The following SH3GL3 variants were observed in gnomAD, a reference collection of about 807,000 sequenced individuals.
SH3GL3 encodes the protein SH3 domain containing GRB2 like 3, endophilin A3.
Under a neutral mutation model 47.7 loss-of-function variants are expected in SH3GL3, and 33 were observed. The ratio of observed to expected loss-of-function variants is 0.69; its 90% CI spans 0.52 to 0.92. The LOEUF (loss-of-function observed/expected upper bound fraction) is 0.92, where lower values mean the gene tolerates loss of function less well. Among genes scored for constraint, SH3GL3 ranks in the 40% least tolerant of loss-of-function variants. The pLI is 0.00. For missense variants in SH3GL3, 363 were observed against 417.8 expected (o/e 0.87, Z 1.14); for synonymous variants, 155 against 148.8 (o/e 1.04, Z -0.30).
At chr15:83,631,463 A>G in the SH3GL3 span, among the ~76,000 whole-genome samples, 1 of 152,224 alleles carries the variant, frequency 6.6e-6, no homozygotes, top group African/African-American at 2.4e-5. Context: ...TCCCTGCAGC[A>G]TACTTCTGCC....
chr15:83,568,283 C>T (rs969774260), intron 3 of SH3GL3, among the ~76,000 whole-genome samples: 5 of 152,074 alleles, frequency 3.3e-5, no homozygotes, highest in African/African-American at 4.8e-5. Context: ...TGCGCCCAGC[C>T]GATGTGCACC....
intron 1 of SH3GL3, among the ~76,000 whole-genome samples, chr15:83,498,438 G>T (rs1456810179): frequency 6.6e-6 from 1 of 152,116 alleles, no homozygotes; most frequent in Non-Finnish European, 1.5e-5. Context: ...AAAGCTCTTG[G>T]CAAAGGGCTC....
chr15:83,459,960 C>A (rs1230700052), intron 1 of SH3GL3, among the ~76,000 whole-genome samples: 7 of 144,782 alleles, frequency 4.8e-5, no homozygotes, highest in African/African-American at 1.8e-4. Flanking sequence ...CCAGTTCTCA[C>A]CCTGTTATTG....
intron 8 of SH3GL3, among the ~76,000 whole-genome samples, chr15:83,613,616 T>C (rs890879021): frequency 1.4e-5 from 2 of 140,816 alleles, no homozygotes; most frequent in African/African-American, 2.7e-5. Flanking sequence ...GAGGGAAATA[T>C]ATAAATCTAT....
At chr15:83,510,407 A>G (rs770854404) in intron 1 of SH3GL3, among the ~76,000 whole-genome samples, 34 of 152,182 alleles carry the variant, frequency 2.2e-4, no homozygotes, top group East Asian at 1.9e-4. Flanking sequence ...CTTTGCTTAT[A>G]TAAGTTTGGA....
At chr15:83,596,498 A>G (rs2060240455) in intron 8 of SH3GL3, among the ~76,000 whole-genome samples, 1 of 152,108 alleles carries the variant, frequency 6.6e-6, no homozygotes, top group Admixed American at 6.5e-5. Context: ...ATAGTTATGG[A>G]TTTGTCTATT....
chr15:83,593,869 A>C (rs2151817305), intron 8 of SH3GL3, among the ~76,000 whole-genome samples: 1 of 151,778 alleles, frequency 6.6e-6, no homozygotes, highest in South Asian at 2.1e-4. Flanking sequence ...CCCAGGCTGG[A>C]GTGCAGTGGC....
chr15:83,605,359 TC>T (rs756194448), intron 8 of SH3GL3, among the ~76,000 whole-genome samples: 1 of 152,160 alleles, frequency 6.6e-6, no homozygotes, highest in African/African-American at 2.4e-5. Flanking sequence ...AGGCACAGTT[TC>T]AAAAGAAAAT....
chr15:83,525,219 A>G (rs1372936953), intron 1 of SH3GL3, among the ~76,000 whole-genome samples: 2 of 151,578 alleles, frequency 1.3e-5, no homozygotes, highest in East Asian at 1.9e-4. Context: ...AGATATCTCT[A>G]TTGTGTTTTT....
At chr15:83,490,697 C>T in intron 1 of SH3GL3, 2 of 1,414,184 alleles carry the variant, frequency 1.4e-6, no homozygotes, top group South Asian at 1.3e-5. Context: ...GAAAACAGAC[C>T]AAGCTCTCAC....
At chr15:83,614,290 A>G (rs2060754044) in intron 8 of SH3GL3, among the ~76,000 whole-genome samples, 1 of 152,188 alleles carries the variant, frequency 6.6e-6, no homozygotes. Flanking sequence ...CCTAGCTTTC[A>G]TCATTATGAC....
At chr15:83,508,901 A>G (rs534053135) in intron 1 of SH3GL3, among the ~76,000 whole-genome samples, 34 of 152,102 alleles carry the variant, frequency 2.2e-4, no homozygotes, top group African/African-American at 8.0e-4. Context: ...TTACATTTTT[A>G]AAAGATCATT....
chr15:83,615,736 A>G (rs952735607), intron 8 of SH3GL3, among the ~76,000 whole-genome samples: 2 of 152,250 alleles, frequency 1.3e-5, no homozygotes, highest in African/African-American at 4.8e-5. Context: ...TAAATATATG[A>G]TAAAGATAAA....
chr15:83,496,372 G>A (rs199924865), intron 1 of SH3GL3, among the ~76,000 whole-genome samples: 62 of 131,164 alleles, frequency 4.7e-4, no homozygotes, highest in Non-Finnish European at 5.0e-4. Flanking sequence ...AAAAAAAAAA[G>A]AAAAAAAAAA....
intron 1 of SH3GL3, among the ~76,000 whole-genome samples, chr15:83,543,521 G>A (rs2044263153): frequency 6.6e-6 from 1 of 151,846 alleles, no homozygotes; most frequent in Admixed American, 6.6e-5. Context: ...TCATAGAATG[G>A]GTTTGGAAGT....
intron 1 of SH3GL3, among the ~76,000 whole-genome samples, chr15:83,495,126 C>A (rs1596105309): frequency 6.6e-6 from 1 of 152,104 alleles, no homozygotes; most frequent in African/African-American, 2.4e-5. Flanking sequence ...TGGTGTGGCA[C>A]CTGTGTCTTC....
intron 8 of SH3GL3, chr15:83,609,513 T>A (rs1268910397): frequency 2.9e-6 from 1 of 341,444 alleles, no homozygotes; most frequent in Admixed American, 3.8e-5. Context: ...CAACAGGGAC[T>A]TATGTTGACA....
intron 1 of SH3GL3, among the ~76,000 whole-genome samples, chr15:83,514,395 G>GGAGA (rs147429222): frequency 2.6e-5 from 4 of 151,098 alleles, no homozygotes; most frequent in Non-Finnish European, 5.9e-5. Context: ...TTTAGTGGAG[G>GGAGA]GAGAGAGAGA....
chr15:83,578,360 G>T (rs1477342067), intron 6 of SH3GL3, among the ~76,000 whole-genome samples: 1 of 152,170 alleles, frequency 6.6e-6, no homozygotes, highest in East Asian at 1.9e-4. Flanking sequence ...GGACCTAATT[G>T]TTAAGTTTTT....
Sources: allele counts gnomAD v4.1 joint callset (sites outside exome capture counted in the v4.1 genomes callset), GRCh38; gene constraint gnomAD v4.1.1; transcripts MANE v1.5; gene names NCBI Gene and HGNC (gene_info 2026-07-23, HGNC 2026-07-21).